Variants in SGCZ observed in about 807,000 individuals in gnomAD.
SGCZ encodes the protein sarcoglycan zeta.
A neutral mutation model predicts 41.3 loss-of-function variants in SGCZ; 40 were observed. The ratio of observed to expected loss-of-function variants is 0.97; its 90% CI spans 0.75 to 1.26. The LOEUF is 1.26. Among genes scored for constraint, SGCZ ranks in the 50% most tolerant of loss-of-function variants. The probability of loss-of-function intolerance (pLI) is 0.00; values close to 1 mark genes in which losing one functional copy is unlikely to be tolerated. For synonymous variants in SGCZ, 206 were observed against 137.5 expected, an observed-to-expected ratio of 1.50 and a Z score of -3.49; for missense variants, 552 against 369.8, an observed-to-expected ratio of 1.49 and a Z score of -4.04.
chr8:14,351,882 A>G (rs1803111066), intron 2 of SGCZ, among the ~76,000 whole-genome samples: 1 of 152,096 alleles, frequency 6.6e-6, no homozygotes, highest in Non-Finnish European at 1.5e-5. Context: ...AGCTGGAATG[A>G]ATTCCCAAAC....
chr8:15,071,551 T>G lies in SGCZ; in HGVS notation c.39+166034A>C, dbSNP rs112497845. On this transcript the variant is annotated intron_variant, in intron 1 of 7. Coordinates refer to ENST00000382080, the MANE Select transcript of SGCZ (RefSeq NM_139167.4). ...GGATCAAATAAAACATTAGAAATAT[T>G]CTTTACCCTAGTCTGAAAGGACTAT... Among the ~76,000 whole-genome samples, 712 of 152,334 alleles carry G rather than the reference T, an allele frequency of 4.7e-3. 5 individuals are homozygous for G. The highest frequency in any genetic ancestry group is 8.5e-3 in the Non-Finnish European group (577 of 68,036).
At chr8:14,342,016 G>T (rs906319548) in intron 2 of SGCZ, among the ~76,000 whole-genome samples, 6 of 152,178 alleles carry the variant, frequency 3.9e-5, no homozygotes, top group Non-Finnish European at 8.8e-5. Context: ...TTTGGAACTG[G>T]GTAACAGGCA....
At chr8:15,131,490 G>A (rs1807898308) in intron 1 of SGCZ, among the ~76,000 whole-genome samples, 2 of 152,182 alleles carry the variant, frequency 1.3e-5, no homozygotes. Context: ...TCAGCAGTGT[G>A]AAAATGGACT....
intron 2 of SGCZ, among the ~76,000 whole-genome samples, chr8:14,341,300 G>C (rs1024401222): frequency 6.6e-6 from 1 of 152,146 alleles, no homozygotes; most frequent in East Asian, 1.9e-4. Flanking sequence ...AAGCAGATTT[G>C]CTGCATCATG....
chr8:14,181,040 C>T lies in SGCZ; in HGVS notation c.425-16338G>A, dbSNP rs536679043. 4.6e-5 allele frequency among the ~76,000 whole-genome samples: 7 copies of T among 152,248 alleles called. No homozygotes were observed. In the East Asian group the frequency reaches 5.8e-4, roughly 13 times the overall value. ...GTTTGCAAGGCCTGAATTTAGCAAGCGGCTATTATGCCCCCTCCTAGGGAG... is the reference window on the plus strand; with the variant it reads ...GTTTGCAAGGCCTGAATTTAGCAAGTGGCTATTATGCCCCCTCCTAGGGAG... On this transcript the variant is annotated intron_variant, in intron 4 of 7. Transcript: ENST00000382080.
intron 5 of SGCZ, among the ~76,000 whole-genome samples, chr8:14,139,524 A>T (rs528938465): frequency 6.6e-6 from 1 of 152,270 alleles, no homozygotes; most frequent in Admixed American, 6.5e-5. Flanking sequence ...CTGATCGCAC[A>T]GTAATACAAA....
intron 2 of SGCZ, among the ~76,000 whole-genome samples, chr8:14,532,722 C>CG (rs1165573954): frequency 9.3e-5 from 6 of 64,828 alleles, no homozygotes; most frequent in African/African-American, 1.8e-4. Context: ...GGGGGGAGGG[C>CG]GGGGGGGAGG....
intron 1 of SGCZ, among the ~76,000 whole-genome samples, chr8:14,646,588 C>G (rs927158565): frequency 6.6e-6 from 1 of 151,762 alleles, no homozygotes; most frequent in Admixed American, 6.6e-5. Flanking sequence ...AATAGTTTTG[C>G]TGGATTGGAT....
chr8:14,633,825 G>C (rs1806737743), intron 1 of SGCZ, among the ~76,000 whole-genome samples: 1 of 151,884 alleles, frequency 6.6e-6, no homozygotes, highest in Non-Finnish European at 1.5e-5. Context: ...GAATTAAGTA[G>C]TCCAGTGTTC....
chr8:14,711,403 A>C (rs1363334000), intron 1 of SGCZ, among the ~76,000 whole-genome samples: 1 of 148,076 alleles, frequency 6.8e-6, no homozygotes, highest in Non-Finnish European at 1.5e-5. Context: ...CAGCCTGGCC[A>C]ACATGGTAAA....
chr8:14,826,828 A>G (rs1308596969), intron 1 of SGCZ, among the ~76,000 whole-genome samples: 1 of 152,126 alleles, frequency 6.6e-6, no homozygotes, highest in East Asian at 1.9e-4. Flanking sequence ...TAGATTCTGA[A>G]TATTAGCCTT....
At chr8:15,143,540 G>C (rs1011916700) in intron 1 of SGCZ, among the ~76,000 whole-genome samples, 1 of 152,146 alleles carries the variant, frequency 6.6e-6, no homozygotes, top group Non-Finnish European at 1.5e-5. Context: ...AATTAGTTAA[G>C]TACCATTTAG....
chr8:14,285,815 G>A (rs1418384294), intron 3 of SGCZ, among the ~76,000 whole-genome samples: 1 of 152,056 alleles, frequency 6.6e-6, no homozygotes, highest in Non-Finnish European at 1.5e-5. Context: ...AGTAAAGAGT[G>A]GAGAGAGGCT....
intron 1 of SGCZ, among the ~76,000 whole-genome samples, chr8:14,898,728 G>A (rs1433243395): frequency 6.6e-6 from 1 of 152,128 alleles, no homozygotes; most frequent in Non-Finnish European, 1.5e-5. Context: ...GAAAGAGCAA[G>A]CAAAGGTGCT....
At chr8:15,195,514 T>G (rs1212136338) in intron 1 of SGCZ, among the ~76,000 whole-genome samples, 1 of 152,188 alleles carries the variant, frequency 6.6e-6, no homozygotes, top group Non-Finnish European at 1.5e-5. Flanking sequence ...CCTGCAAGTT[T>G]GTTTCTTGCT....
chr8:14,452,798 C>G (rs888773118), intron 2 of SGCZ, among the ~76,000 whole-genome samples: 1 of 151,990 alleles, frequency 6.6e-6, no homozygotes, highest in Non-Finnish European at 1.5e-5. Context: ...ATGAAACATT[C>G]CGTATAAAAA....
At chr8:14,503,669 G>A (rs1325013804) in intron 2 of SGCZ, among the ~76,000 whole-genome samples, 1 of 152,068 alleles carries the variant, frequency 6.6e-6, no homozygotes. Flanking sequence ...TAGGGAGGCT[G>A]AGGCAGGAGA....
chr8:14,179,405 C>T (rs1804650230), intron 4 of SGCZ, among the ~76,000 whole-genome samples: 1 of 152,100 alleles, frequency 6.6e-6, no homozygotes, highest in South Asian at 2.1e-4. Flanking sequence ...TTCACAAGAC[C>T]AGTTCGCCTT....
intron 1 of SGCZ, among the ~76,000 whole-genome samples, chr8:14,607,683 G>C (rs1805796139): frequency 7.5e-6 from 1 of 133,668 alleles, no homozygotes; most frequent in Admixed American, 7.3e-5. Flanking sequence ...AAGTAGTATT[G>C]ATCTCAACTC....
Sources: gnomAD v4.1 joint callset for allele counts (sites outside exome capture counted in the v4.1 genomes callset) on GRCh38, gnomAD v4.1.1 for gene constraint, MANE v1.5 for transcripts, NCBI Gene and HGNC (gene_info 2026-07-23, HGNC 2026-07-21) for gene names.